The following FBXL18 variants were observed in gnomAD, a reference collection of about 807,000 sequenced individuals.
FBXL18 encodes F-box/LRR-repeat protein 18.
In FBXL18, 36 loss-of-function variants were observed where a neutral mutation model predicts 46.0. The observed-to-expected ratio is 0.78, with a 90% confidence interval of 0.60 to 1.03. The LOEUF (loss-of-function observed/expected upper bound fraction) is 1.03. Among genes scored for constraint, FBXL18 ranks in the 50% least tolerant of loss-of-function variants. The probability of loss-of-function intolerance (pLI) is 0.00; values close to 1 mark genes in which losing one functional copy is unlikely to be tolerated. For missense variants in FBXL18, 977 were observed against 1,004.1 expected (o/e 0.97, Z 0.36); for synonymous variants, 557 against 465.3 (o/e 1.20, Z -2.54).
At chr7:5,486,409 C>G (rs1456285139) in intron 4 of FBXL18, among the ~76,000 whole-genome samples, 1 of 151,154 alleles carries the variant, frequency 6.6e-6, no homozygotes, top group Non-Finnish European at 1.5e-5. Flanking sequence ...ACGAGCGAAA[C>G]TCTGTTTCAA....
chr7:5,466,981 C>T (rs11772322), intron 4 of FBXL18, among the ~76,000 whole-genome samples: 103,973 of 151,734 alleles, frequency 0.69, 36,688 homozygotes, highest in East Asian at 0.9. Context: ...CTTTGGGAGG[C>T]CGAGGCAGGC....
downstream of FBXL18, among the ~76,000 whole-genome samples, chr7:5,475,144 C>T (rs1426747677): frequency 2.0e-5 from 3 of 151,272 alleles, no homozygotes; most frequent in African/African-American, 7.3e-5. The surrounding 1 kb of genome is among the most constrained non-coding windows in gnomAD (Gnocchi z 4.2). Flanking sequence ...CATGGCGAAA[C>T]CCCGTCTCTA....
intron 1 of FBXL18, among the ~76,000 whole-genome samples, chr7:5,508,151 A>G (rs1784439181): frequency 6.6e-6 from 1 of 152,066 alleles, no homozygotes; most frequent in African/African-American, 2.4e-5. Context: ...CTATAGTCCC[A>G]GCTACTCGGG....
intron 4 of FBXL18, among the ~76,000 whole-genome samples, chr7:5,462,778 T>C (rs866174667): frequency 6.0e-5 from 9 of 150,462 alleles, no homozygotes; most frequent in South Asian, 2.1e-4. Flanking sequence ...GGTGAAACCC[T>C]ATCTCTACTA....
intron 4 of FBXL18, among the ~76,000 whole-genome samples, chr7:5,467,695 C>CT (rs2128231711): frequency 6.6e-6 from 1 of 152,260 alleles, no homozygotes; most frequent in African/African-American, 2.4e-5. Flanking sequence ...CTCTGGGGTC[C>CT]TCAAAGTTCC....
At chr7:5,465,066 AAAC>A (rs1783322924) in intron 4 of FBXL18, among the ~76,000 whole-genome samples, 1 of 152,172 alleles carries the variant, frequency 6.6e-6, no homozygotes, top group African/African-American at 2.4e-5. Context: ...CCATCTCAAC[AAAC>A]AATACTAATA....
intron 4 of FBXL18, among the ~76,000 whole-genome samples, chr7:5,466,785 G>A (rs1783346996): frequency 2.0e-5 from 3 of 152,094 alleles, no homozygotes; most frequent in South Asian, 2.1e-4. Context: ...GCAGGAGCCC[G>A]GGACTCCTGG....
At chr7:5,474,128 G>A (rs1282093039), downstream of FBXL18, among the ~76,000 whole-genome samples, 5 of 152,214 alleles carry the variant, frequency 3.3e-5, no homozygotes, top group South Asian at 2.1e-4. Flanking sequence ...ACCCAGAGGA[G>A]TCAAACTCAT....
At chr7:5,507,964 C>G (rs970513480) in intron 1 of FBXL18, among the ~76,000 whole-genome samples, 5 of 152,010 alleles carry the variant, frequency 3.3e-5, no homozygotes, top group Non-Finnish European at 7.4e-5. Context: ...GAAACCCTGT[C>G]TCTACTAAAA....
rs1273406768 is a variant in FBXL18 at position 5,455,107 on chromosome 7, G to T, written c.2001-7264C>A. On this transcript the variant is annotated intron_variant and NMD_transcript_variant, in intron 4 of 6. Transcript: ENST00000415009. This position sits in a 1 kb window ranked among gnomAD's most constrained non-coding sequence, Gnocchi z 4.6. ...TGAGGTTAGCCTCATCAGCAAACTC[G>T]AGGCTGGCTTCCTATCCTCTTGCTC... Among the ~76,000 whole-genome samples, 1 of 152,120 alleles carries T rather than the reference G, an allele frequency of 6.6e-6. No homozygotes were observed. Among genetic ancestry groups the T allele is most frequent in the African/African-American group, 2.4e-5 (1 of 41,428 alleles).
At chr7:5,459,299 T>C (rs776886511) in intron 4 of FBXL18, among the ~76,000 whole-genome samples, 54 of 151,962 alleles carry the variant, frequency 3.6e-4, no homozygotes, top group Non-Finnish European at 5.4e-4. Context: ...GTACAGTAAG[T>C]AATCAATAAA....
intron 4 of FBXL18, among the ~76,000 whole-genome samples, chr7:5,460,879 C>T (rs144471608): frequency 6.6e-6 from 1 of 152,326 alleles, no homozygotes; most frequent in Non-Finnish European, 1.5e-5. Flanking sequence ...GCTGCAAGGG[C>T]GTTCTCACCT....
chr7:5,460,531 G>A (rs1053760498), intron 4 of FBXL18, among the ~76,000 whole-genome samples: 3 of 152,150 alleles, frequency 2.0e-5, no homozygotes, highest in Admixed American at 6.5e-5. Flanking sequence ...TCCGCTCACC[G>A]CAACCTCTGC....
intron 4 of FBXL18, among the ~76,000 whole-genome samples, chr7:5,485,950 TCAGGAGGCTGAGG>T (rs1248004856): frequency 1.3e-5 from 2 of 151,850 alleles, no homozygotes. Context: ...TCCCAGCTAC[TCAGGAGGCTGAGG>T]CAGGAGAATT....
chr7:5,494,880 A>C (rs547169854), intron 3 of FBXL18, among the ~76,000 whole-genome samples: 3 of 149,430 alleles, frequency 2.0e-5, no homozygotes, highest in East Asian at 1.9e-4. Context: ...TGGAAAAAAA[A>C]CCTTTTTTCC....
intron 1 of FBXL18, among the ~76,000 whole-genome samples, chr7:5,512,012 G>T (rs1023472225): frequency 7.3e-5 from 11 of 151,388 alleles, no homozygotes; most frequent in African/African-American, 2.4e-4. Context: ...GAAGAGGGTG[G>T]ATCACGAGGT....
In FBXL18 at chr7:5,458,799, G is replaced by A. The variant is rs536325890; in HGVS notation, c.2001-10956C>T. Among the ~76,000 whole-genome samples the A allele has an allele frequency of 3.9e-5, 6 of 152,290 alleles. No individual in the cohort carries two copies. The South Asian group carries it at 8.3e-4, about 21-fold the overall frequency. ...TCACTTGAACCCGGAGGCAAACAAT[G>A]TCTTAACAGAGCAGAAATGTCAACG... is the stretch of plus-strand genomic sequence containing the variant. On this transcript the variant is annotated intron_variant and NMD_transcript_variant, in intron 4 of 6. Coordinates refer to the FBXL18 transcript ENST00000415009.
rs1418186575 is a variant in FBXL18, at chr7:5,505,647, C to T, written c.19-17G>A. 6.2e-7 allele frequency: 1 copy of T among 1,605,146 alleles called. No individual in the cohort carries two copies. The highest frequency in any genetic ancestry group is 2.2e-5 in the East Asian group (1 of 44,812). The stretch of plus-strand genomic sequence containing the variant: ...GGATATGTCCTGAAAATAAGGGGGA[C>T]ACCATTCCCACAGGATCCCCAAGGA... On this transcript the variant is annotated splice_polypyrimidine_tract_variant and intron_variant, in intron 1 of 4. Transcript: ENST00000382368.
chr7:5,513,018 A>G (rs1397737223), intron 1 of FBXL18, among the ~76,000 whole-genome samples: 1 of 152,222 alleles, frequency 6.6e-6, no homozygotes, highest in African/African-American at 2.4e-5. Context: ...GGCAGGAAGC[A>G]TCAACGGGAA....
Sources: gnomAD v4.1 joint callset for allele counts (sites outside exome capture counted in the v4.1 genomes callset) on GRCh38, gnomAD v4.1.1 for gene constraint, Gnocchi (gnomAD v3.1) non-coding constraint, MANE v1.5 for transcripts, NCBI Gene and HGNC (gene_info 2026-07-23, HGNC 2026-07-21) for gene names.